ACOT8: variants seen among roughly 807,000 people sequenced by gnomAD.
ACOT8 encodes acyl-CoA thioesterase 8.
A neutral mutation model predicts 38.4 loss-of-function variants in ACOT8; 31 were observed. That is an observed-to-expected ratio of 0.81 (90% CI 0.61 to 1.09). The LOEUF is 1.09. Among genes scored for constraint, ACOT8 ranks in the 50% least tolerant of loss-of-function variants. The pLI is 0.00. For synonymous variants in ACOT8, 158 were observed against 170.3 expected, an observed-to-expected ratio of 0.93 and a Z score of 0.56; for missense variants, 373 against 421.8, an observed-to-expected ratio of 0.88 and a Z score of 1.01.
intron 2 of ACOT8, chr20:45,853,814 A>C (rs113724023): frequency 1.2e-6 from 1 of 817,046 alleles, no homozygotes; most frequent in Non-Finnish European, 1.8e-6. Flanking sequence ...GATGAGGAGT[A>C]AGAGACACGG....
At chr20:45,844,038 C>T in intron 4 of ACOT8, 1 of 790,208 alleles carries the variant, frequency 1.3e-6, no homozygotes, top group East Asian at 2.7e-5. Context: ...CAGCGAGGTG[C>T]CTTTTGCCTT....
intron 1 of ACOT8, 148 bp downstream of exon 1, chr20:45,857,040 G>C: frequency 1.1e-6 from 1 of 945,686 alleles, no homozygotes; most frequent in Non-Finnish European, 1.6e-6. Flanking sequence ...GGACAGCTCT[G>C]TTGGGGGCGA....
intron 2 of ACOT8, among the ~76,000 whole-genome samples, chr20:45,854,793 C>G (rs898956873): frequency 3.6e-5 from 4 of 110,262 alleles, no homozygotes; most frequent in Admixed American, 2.0e-4. Context: ...CCAACCCAAG[C>G]TGCCCTACCT....
At position 45,855,235 on chromosome 20, in the gene ACOT8, C is replaced by T. The variant is rs1220091468; in HGVS notation, c.186G>A (p.Gln62=). 1.2e-6 allele frequency: 2 copies of T among 1,614,184 alleles called. No individual in the cohort carries two copies. The highest frequency in any genetic ancestry group is 2.2e-5 in the South Asian group (2 of 91,090). ...KRLFGGQIVG[Q]ALVAAAKSVS... The stretch of plus-strand genomic sequence containing the variant: ...CAGACTTGGCTGCAGCCACCAGGGC[C>T]TGGCCCACGATCTGACCACCAAACA... The change falls in exon 2 of 6, where the codon CAG becomes CAA. Residue 62 remains glutamine (Q), a synonymous_variant. Coordinates refer to ENST00000217455, the MANE Select transcript of ACOT8 (RefSeq NM_005469.4).
intron 2 of ACOT8, 21 bp from the exon 3 acceptor site, chr20:45,848,696 C>G (rs772746705): frequency 1.3e-6 from 2 of 1,581,674 alleles, no homozygotes; most frequent in African/African-American, 1.3e-5. Context: ...CACAAGGACA[C>G]AGTGGGTCCA....
At chr20:45,851,505 T>G (rs905838285) in intron 2 of ACOT8, among the ~76,000 whole-genome samples, 1 of 152,160 alleles carries the variant, frequency 6.6e-6, no homozygotes, top group Admixed American at 6.5e-5. Context: ...TTCTTGAAAA[T>G]TGTTATTGGA....
At chr20:45,842,108 T>G in intron 5 of ACOT8, 152 bp from the exon 6 acceptor site, 1 of 1,535,440 alleles carries the variant, frequency 6.5e-7, no homozygotes, top group Non-Finnish European at 8.7e-7. Flanking sequence ...CCTGAGCAGC[T>G]GGGATTACAG....
At chr20:45,849,759 CTTG>C (rs1182084773) in intron 2 of ACOT8, among the ~76,000 whole-genome samples, 3 of 152,048 alleles carry the variant, frequency 2.0e-5, no homozygotes, top group African/African-American at 7.2e-5. Flanking sequence ...CCAATCAGAG[CTTG>C]TTGTAGCAGG....
At chr20:45,844,535 C>T (rs773193148) in intron 3 of ACOT8, 115 bp from the exon 4 acceptor site, 838 of 1,225,310 alleles carry the variant, frequency 6.8e-4, no homozygotes, top group Non-Finnish European at 8.3e-4. Flanking sequence ...ATCCCCAAAG[C>T]TCCCCTCCCC....
At chr20:45,843,501 C>T (rs759721618) in intron 5 of ACOT8, 26 bp downstream of exon 5, 1 of 1,604,320 alleles carries the variant, frequency 6.2e-7, no homozygotes, top group South Asian at 1.1e-5. Flanking sequence ...GGTCAGTGCC[C>T]TTGTCCCACA....
chr20:45,849,318 T>C (rs1023315316), intron 2 of ACOT8, among the ~76,000 whole-genome samples: 1 of 152,198 alleles, frequency 6.6e-6, no homozygotes, highest in African/African-American at 2.4e-5. Context: ...GGAGTCTTGC[T>C]CTGTCACCCA....
rs775898381 is a variant in ACOT8, at chr20:45,857,326, G to C, written c.-11C>G. The C allele has an allele frequency of 2.5e-6, 4 of 1,590,520 alleles. No homozygotes were observed. In the African/African-American group the frequency reaches 5.4e-5, roughly 21 times the overall value. ...CTGCGGGGACGACATCTAGTTCAAT[G>C]CTGCAGGCCCTGCACACCCGCTCCG... On this transcript the variant is annotated 5_prime_UTR_variant, in exon 1 of 6. Coordinates refer to ENST00000217455, the MANE Select transcript of ACOT8 (RefSeq NM_005469.4).
chr20:45,857,098 T>A lies in ACOT8; in HGVS notation c.128+90A>T, dbSNP rs577193357. On this transcript the variant is annotated intron_variant, in intron 1 of 5. Coordinates refer to ENST00000217455, the MANE Select transcript of ACOT8 (RefSeq NM_005469.4). ...GGGTGCATCCCACGCAGAGCCATAC[T>A]AGTCCCGGAGCCAGGGGCCCCGGGC... is the stretch of plus-strand genomic sequence containing the variant. 4.4e-5 allele frequency: 65 copies of A among 1,477,062 alleles called. No homozygotes were observed. In the East Asian group the frequency reaches 1.4e-3, roughly 32 times the overall value. 91.5% of individuals were successfully genotyped at this position (1,477,062 alleles called of 1,614,324 possible).
Position 45,844,280 on chromosome 20 carries a change from C to A in ACOT8, c.629G>T (p.Arg210Leu), listed in dbSNP as rs772464570. The A allele has an allele frequency of 6.2e-7, 1 of 1,614,190 alleles. No individual in the cohort carries two copies. Residue 210 changes from arginine to leucine, a missense_variant, in exon 4 of 6, where the codon CGA (arginine) becomes CTA (leucine). Arg to Leu is a moderately radical substitution (Grantham distance 102, BLOSUM62 -2). Transcript: ENST00000217455. ...ACTCTTACCAATATAGCCCCGGGCT[C>A]GCACCCAGAACATCTGTTTGGGCTC... ...RMEPKQMFWV[R>L]ARGYIGEGDM...
intron 1 of ACOT8, among the ~76,000 whole-genome samples, chr20:45,856,496 A>G (rs1403331600): frequency 6.6e-6 from 1 of 151,750 alleles, no homozygotes; most frequent in East Asian, 1.9e-4. Context: ...CCTGGCCAAC[A>G]CGGTGAAACC....
intron 1 of ACOT8, 85 bp from the exon 2 acceptor site, chr20:45,855,377 T>G: frequency 7.2e-6 from 11 of 1,521,312 alleles, no homozygotes; most frequent in Non-Finnish European, 9.9e-6. Context: ...GCATGATCTC[T>G]TCACCATATT....
At position 45,841,768 on chromosome 20, in the gene ACOT8, G is replaced by A. The variant is rs1233293187; in HGVS notation, c.*70C>T. ...TTGGATGTGAGGGCCAAAAGGGACT[G>A]TAACTCCTGTCTCAGGAATGGGGAT... On this transcript the variant is annotated 3_prime_UTR_variant, in exon 6 of 6. Transcript: ENST00000217455. The A allele has an allele frequency of 3.3e-6, 5 of 1,492,972 alleles. No individual in the cohort carries two copies. The highest frequency in any genetic ancestry group is 4.8e-5 in the Admixed American group (2 of 41,676). 92.5% of individuals were successfully genotyped at this position (1,492,972 alleles called of 1,614,324 possible).
chr20:45,852,988 C>T (rs142663367), intron 2 of ACOT8, among the ~76,000 whole-genome samples: 2,084 of 152,238 alleles, frequency 0.014, 49 homozygotes, highest in African/African-American at 0.048. Context: ...AGGCTGGTCT[C>T]GAACTCCTGA....
intron 2 of ACOT8, among the ~76,000 whole-genome samples, chr20:45,852,376 G>A (rs1040418392): frequency 4.0e-5 from 6 of 151,212 alleles, no homozygotes; most frequent in East Asian, 1.9e-4. Flanking sequence ...ATGGAGTTTC[G>A]CCACATTGTC....
Sources: allele counts gnomAD v4.1 joint callset (sites outside exome capture counted in the v4.1 genomes callset), GRCh38; gene constraint gnomAD v4.1.1; transcripts MANE v1.5; gene names NCBI Gene and HGNC (gene_info 2026-07-23, HGNC 2026-07-21).